Variants in PIAS1 observed in about 807,000 individuals in gnomAD.
The protein encoded by PIAS1 is protein inhibitor of activated STAT 1, also known as E3 SUMO-protein ligase PIAS1.
A neutral mutation model predicts 71.3 loss-of-function variants in PIAS1; 6 were observed. The observed-to-expected ratio is 0.08, with a 90% CI of 0.05 to 0.17. PIAS1 has a LOEUF of 0.17. Among genes scored for constraint, PIAS1 ranks in the 10% least tolerant of loss-of-function variants. The pLI, the probability that PIAS1 is intolerant of heterozygous loss-of-function variation, is 1.00. For synonymous variants in PIAS1, 303 were observed against 292.9 expected (o/e 1.03, Z -0.35); for missense variants, 555 against 793.6 (o/e 0.70, Z 3.61).
At chr15:68,140,636 G>T (rs1422004721) in intron 2 of PIAS1, among the ~76,000 whole-genome samples, 3 of 152,160 alleles carry the variant, frequency 2.0e-5, no homozygotes, top group Admixed American at 6.6e-5. Context: ...ATCAACAAGT[G>T]CTCTTTTCTA....
chr15:68,142,202 A>G (rs2141047778), intron 3 of PIAS1, 88 bp from the exon 4 acceptor site: 1 of 1,200,464 alleles, frequency 8.3e-7, no homozygotes, highest in African/African-American at 1.5e-5. Flanking sequence ...GATAATTTGA[A>G]AAACTTTTCT....
At chr15:68,109,024 A>G (rs1319703897) in intron 2 of PIAS1, among the ~76,000 whole-genome samples, 1 of 152,088 alleles carries the variant, frequency 6.6e-6, no homozygotes, top group Admixed American at 6.6e-5. Flanking sequence ...AAAACTCTCC[A>G]TTTGCCTGGC....
At chr15:68,170,446 T>C (rs2092984311) in intron 8 of PIAS1, among the ~76,000 whole-genome samples, 1 of 151,996 alleles carries the variant, frequency 6.6e-6, no homozygotes, top group Non-Finnish European at 1.5e-5. Flanking sequence ...AGATGAAAAA[T>C]GGTACACCTG....
At chr15:68,140,724 G>T (rs1021279205) in intron 2 of PIAS1, among the ~76,000 whole-genome samples, 1 of 152,248 alleles carries the variant, frequency 6.6e-6, no homozygotes, top group Admixed American at 6.5e-5. Flanking sequence ...TGTAAAGGAA[G>T]TGTTTCTTGC....
chr15:68,183,614 A>AT lies in PIAS1; in HGVS notation c.1625-10dup. On this transcript the variant is annotated splice_polypyrimidine_tract_variant and intron_variant, in intron 12 of 13. Transcript: ENST00000249636. ...CTTCTTTTTTTTTTAAACTGAAATAATTTTTTCTTCCACAGGATTAGATTT... is the reference window on the plus strand; with the variant it reads ...CTTCTTTTTTTTTTAAACTGAAATAATTTTTTTCTTCCACAGGATTAGATTT... 3 of 1,073,906 alleles carry AT rather than the reference A, an allele frequency of 2.8e-6. No homozygotes were observed. The highest frequency in any genetic ancestry group is 4.1e-6 in the Non-Finnish European group (3 of 728,972). The allele number at this position is 1,073,906 out of a possible 1,614,324, so 66.5% of individuals were successfully genotyped here. A position where few individuals can be genotyped will look rare whatever the true frequency, so the allele number is the denominator to read the frequency against.
chr15:68,093,799 A>G (rs1349937733), intron 2 of PIAS1, among the ~76,000 whole-genome samples: 1 of 152,176 alleles, frequency 6.6e-6, no homozygotes, highest in Non-Finnish European at 1.5e-5. Flanking sequence ...ATAAAAATGA[A>G]ATAATTTCCT....
chr15:68,093,415 A>G (rs2092348955), intron 2 of PIAS1, among the ~76,000 whole-genome samples: 1 of 152,266 alleles, frequency 6.6e-6, no homozygotes. Context: ...TACTGGCCAC[A>G]GGCAGTTAGC....
rs538213841 is a variant in PIAS1, at chr15:68,125,593, C to T, written c.470-16353C>T. On this transcript the variant is annotated intron_variant, in intron 2 of 13. Coordinates refer to ENST00000249636, the MANE Select transcript of PIAS1 (RefSeq NM_016166.3). ...ATTTGATAATTTGGCTGGGTGTAGA[C>T]TTCAACATAAGAATAATTTTCCTTT... Among the ~76,000 whole-genome samples the T allele has an allele frequency of 2.1e-4, 32 of 152,252 alleles. No individual in the cohort carries two copies. The South Asian group carries it at 6.6e-3, about 32-fold the overall frequency.
intron 1 of PIAS1, among the ~76,000 whole-genome samples, chr15:68,065,468 G>A (rs913097057): frequency 7.9e-5 from 12 of 151,870 alleles, no homozygotes; most frequent in African/African-American, 2.9e-4. Context: ...ATGCGCACCT[G>A]TGGTTCCAGC....
chr15:68,064,562 C>G (rs1024174390), intron 1 of PIAS1, among the ~76,000 whole-genome samples: 1 of 152,330 alleles, frequency 6.6e-6, no homozygotes, highest in Non-Finnish European at 1.5e-5. Context: ...TTCATTGATA[C>G]GGTTTCAGAT....
At chr15:68,073,005 A>G (rs151277296) in intron 1 of PIAS1, among the ~76,000 whole-genome samples, 11 of 151,682 alleles carry the variant, frequency 7.3e-5, no homozygotes, top group Admixed American at 6.6e-4. Context: ...GTGAGAGGTT[A>G]TATGTATAAT....
intron 2 of PIAS1, among the ~76,000 whole-genome samples, chr15:68,134,494 AC>A (rs1157391041): frequency 4.4e-4 from 16 of 36,014 alleles, no homozygotes; most frequent in East Asian, 1.7e-3. Context: ...CGGGGGGCTG[AC>A]CCCCCCCACT....
chr15:68,109,753 T>G (rs1398448673), intron 2 of PIAS1, among the ~76,000 whole-genome samples: 2 of 152,190 alleles, frequency 1.3e-5, no homozygotes, highest in African/African-American at 4.8e-5. Context: ...TGGCCTAGAC[T>G]TGAAAGTTGG....
At chr15:68,080,161 C>T (rs1438371950) in intron 1 of PIAS1, among the ~76,000 whole-genome samples, 2 of 152,006 alleles carry the variant, frequency 1.3e-5, no homozygotes, top group East Asian at 1.9e-4. Flanking sequence ...TTCAGGTTAT[C>T]GTCCAGAAGG....
At chr15:68,163,612 T>G (rs979227665) in intron 7 of PIAS1, among the ~76,000 whole-genome samples, 1 of 152,196 alleles carries the variant, frequency 6.6e-6, no homozygotes, top group African/African-American at 2.4e-5. Flanking sequence ...AAATCCAGAC[T>G]AAAATCCAGG....
intron 1 of PIAS1, among the ~76,000 whole-genome samples, chr15:68,066,667 A>G (rs145252856): frequency 0.011 from 1,691 of 152,260 alleles, 19 homozygotes; most frequent in South Asian, 0.019. Flanking sequence ...GAAAAACTTC[A>G]GCCTCTGTTC....
At chr15:68,165,976 TAAAG>T (rs1317032707) in intron 8 of PIAS1, among the ~76,000 whole-genome samples, 4 of 152,146 alleles carry the variant, frequency 2.6e-5, no homozygotes, top group Non-Finnish European at 5.9e-5. Flanking sequence ...ACTGTATTCT[TAAAG>T]AAACAAAGAA....
At chr15:68,156,709 TAAAA>T (rs35479013) in intron 7 of PIAS1, among the ~76,000 whole-genome samples, 2 of 119,076 alleles carry the variant, frequency 1.7e-5, no homozygotes, top group Non-Finnish European at 3.4e-5. Flanking sequence ...ACACTGTCTT[TAAAA>T]AAAAAAAAAA....
chr15:68,149,783 T>C (rs1178433229), intron 6 of PIAS1, among the ~76,000 whole-genome samples: 1 of 152,194 alleles, frequency 6.6e-6, no homozygotes, highest in South Asian at 2.1e-4. Flanking sequence ...GTTTTGAGTT[T>C]TAGGTATGTC....
Sources: allele counts gnomAD v4.1 joint callset (sites outside exome capture counted in the v4.1 genomes callset), GRCh38; gene constraint gnomAD v4.1.1; transcripts MANE v1.5; gene names NCBI Gene and HGNC (gene_info 2026-07-23, HGNC 2026-07-21).